The following INO80 variants were observed in gnomAD, a reference collection of about 807,000 sequenced individuals.
INO80 encodes the protein INO80 complex ATPase subunit.
Under a neutral mutation model 203.4 loss-of-function variants are expected in INO80, and 20 were observed. The ratio of observed to expected loss-of-function variants is 0.10; its 90% CI spans 0.07 to 0.14. INO80 has a LOEUF of 0.14. INO80 is among the 10% of genes least tolerant of loss of function. The probability of loss-of-function intolerance (pLI) is 1.00; values close to 1 mark genes in which losing one functional copy is unlikely to be tolerated. For synonymous variants in INO80, 726 were observed against 685.2 expected, an observed-to-expected ratio of 1.06 and a Z score of -0.93; for missense variants, 1,419 against 1,914.4, an observed-to-expected ratio of 0.74 and a Z score of 4.83.
At chr15:41,054,707 C>T (rs1353897983) in intron 18 of INO80, among the ~76,000 whole-genome samples, 2 of 152,140 alleles carry the variant, frequency 1.3e-5, no homozygotes, top group East Asian at 1.9e-4. Context: ...GATGCAATCT[C>T]GGCTCACCGC....
At chr15:41,103,204 A>T (rs2045834491) in intron 1 of INO80, among the ~76,000 whole-genome samples, 1 of 152,124 alleles carries the variant, frequency 6.6e-6, no homozygotes. Context: ...CCCAATGTGT[A>T]GTTAATTCTT....
At chr15:41,061,450 CAAAAAA>C (rs980593225) in intron 14 of INO80, among the ~76,000 whole-genome samples, 3 of 66,916 alleles carry the variant, frequency 4.5e-5, no homozygotes, top group South Asian at 4.7e-4. Context: ...ACCAAAAATA[CAAAAAA>C]AAAAAAAAAA....
At chr15:41,100,340 C>G (rs923701327) in intron 1 of INO80, among the ~76,000 whole-genome samples, 2 of 152,146 alleles carry the variant, frequency 1.3e-5, no homozygotes, top group Admixed American at 6.5e-5. Flanking sequence ...TCCCAAAGTG[C>G]TGGGATTACA....
intron 28 of INO80, chr15:41,004,510 T>C (rs2044008681): frequency 6.6e-6 from 1 of 152,232 alleles, no homozygotes. Context: ...CATTAAGATC[T>C]GCTTTATTCC....
intron 1 of INO80, among the ~76,000 whole-genome samples, chr15:41,102,855 A>T (rs572145000): frequency 6.6e-6 from 1 of 151,440 alleles, no homozygotes; most frequent in African/African-American, 2.5e-5. Flanking sequence ...CTATTCCTTA[A>T]CTCCTTGACT....
chr15:41,015,090 C>T (rs1304835568), intron 27 of INO80, among the ~76,000 whole-genome samples: 1 of 152,176 alleles, frequency 6.6e-6, no homozygotes, highest in Non-Finnish European at 1.5e-5. Context: ...TCTCCTGTTT[C>T]TAGGTCTGTG....
chr15:40,982,043 C>A (rs1250436746), intron 35 of INO80, among the ~76,000 whole-genome samples: 1 of 152,226 alleles, frequency 6.6e-6, no homozygotes, highest in South Asian at 2.1e-4. Context: ...TCTTTTCATT[C>A]CCCTGTATTT....
chr15:41,026,150 T>G (rs576225764), intron 25 of INO80, among the ~76,000 whole-genome samples: 1 of 152,196 alleles, frequency 6.6e-6, no homozygotes, highest in Non-Finnish European at 1.5e-5. Context: ...GGGTCCCCTG[T>G]CAGATTCTGT....
intron 27 of INO80, among the ~76,000 whole-genome samples, chr15:41,007,138 G>C (rs1053565988): frequency 6.9e-6 from 1 of 145,536 alleles, no homozygotes; most frequent in East Asian, 2.0e-4. Flanking sequence ...TATAATTTTA[G>C]CAAAAAGGTA....
chr15:41,093,026 G>A (rs752199728), intron 4 of INO80, among the ~76,000 whole-genome samples: 2 of 152,016 alleles, frequency 1.3e-5, no homozygotes, highest in Admixed American at 6.6e-5. Context: ...CAGAGCAAGA[G>A]CCTGTCTCCT....
At chr15:41,055,909 ACTAT>A (rs1247871450) in intron 17 of INO80, among the ~76,000 whole-genome samples, 2 of 149,432 alleles carry the variant, frequency 1.3e-5, no homozygotes, top group East Asian at 3.9e-4. Flanking sequence ...TAAAATATAT[ACTAT>A]CTGTCAGTTT....
At chr15:41,080,030 C>T (rs1210973437) in intron 8 of INO80, 126 bp from the exon 9 acceptor site, 1 of 768,422 alleles carries the variant, frequency 1.3e-6, no homozygotes, top group Non-Finnish European at 2.2e-6. Flanking sequence ...CATCTTTCTC[C>T]TGCAACTTGA....
At chr15:41,069,972 T>C (rs2045284645) in intron 13 of INO80, among the ~76,000 whole-genome samples, 1 of 152,230 alleles carries the variant, frequency 6.6e-6, no homozygotes, top group South Asian at 2.1e-4. Context: ...TCCGACAATC[T>C]TGTAGTTATT....
chr15:41,023,482 G>A (rs1224676006), intron 25 of INO80: 1 of 350,696 alleles, frequency 2.9e-6, no homozygotes, highest in Non-Finnish European at 5.6e-6. Flanking sequence ...GTCTTCTCTA[G>A]TAAGACTAAA....
chr15:41,110,845 T>C (rs2045948943), intron 1 of INO80, among the ~76,000 whole-genome samples: 1 of 152,246 alleles, frequency 6.6e-6, no homozygotes, highest in Non-Finnish European at 1.5e-5. Context: ...AGATGGTGAA[T>C]GCCATCTTAA....
chr15:41,049,519 A>C (rs2044828700), intron 20 of INO80, 99 bp from the exon 21 acceptor site: 3 of 1,081,638 alleles, frequency 2.8e-6, no homozygotes, highest in Non-Finnish European at 4.1e-6. Context: ...TTGGGAATGG[A>C]TACTTTCCCA....
chr15:40,984,963 G>GTA lies in INO80; in HGVS notation c.3921+373_3921+374dup, dbSNP rs1262364243. ...TTCTAGTGACAGATGACACTGAGTG[G>GTA]TACACTAGCAGAATTATGGTAGGTT... On this transcript the variant is annotated intron_variant, in intron 32 of 35. Transcript: ENST00000648947. Among the ~76,000 whole-genome samples, 9 of 152,154 alleles carry GTA rather than the reference G, an allele frequency of 5.9e-5. No homozygotes were observed. In the South Asian group the frequency reaches 1.4e-3, roughly 25 times the overall value.
intron 26 of INO80, among the ~76,000 whole-genome samples, chr15:41,020,387 T>C (rs567832482): frequency 6.6e-6 from 1 of 152,332 alleles, no homozygotes; most frequent in Non-Finnish European, 1.5e-5. Context: ...AAGGCAAAGA[T>C]GAAAACCTAG....
At chr15:41,018,690 GTTTCTTTC>G (rs1326586391) in intron 26 of INO80, 1 of 152,218 alleles carries the variant, frequency 6.6e-6, no homozygotes, top group Non-Finnish European at 1.5e-5. Context: ...GGAAAAACAG[GTTTCTTTC>G]TCTGAACACA....
Sources: gnomAD v4.1 joint callset for allele counts (sites outside exome capture counted in the v4.1 genomes callset) on GRCh38, gnomAD v4.1.1 for gene constraint, MANE v1.5 for transcripts, NCBI Gene and HGNC (gene_info 2026-07-23, HGNC 2026-07-21) for gene names.